The following CCNY variants were observed in gnomAD, a reference collection of about 807,000 sequenced individuals.
CCNY encodes cyclin Y.
CCNY carries 19 observed loss-of-function variants against 42.8 expected under a neutral mutation model. The ratio of observed to expected loss-of-function variants is 0.44; its 90% CI spans 0.31 to 0.65. The LOEUF (loss-of-function observed/expected upper bound fraction) is 0.65. Among genes scored for constraint, CCNY ranks in the 30% least tolerant of loss-of-function variants. CCNY has a pLI of 0.07. For synonymous variants in CCNY, 165 were observed against 162.7 expected (o/e 1.01, Z -0.11); for missense variants, 370 against 437.3 (o/e 0.85, Z 1.37).
At chr10:35,344,535 CAAA>C (rs1328322001) in intron 1 of CCNY, among the ~76,000 whole-genome samples, 2 of 151,866 alleles carry the variant, frequency 1.3e-5, no homozygotes, top group African/African-American at 2.4e-5. Flanking sequence ...ACTAGAAATA[CAAA>C]AAAAATTTTT....
At chr10:35,414,333 A>G (rs1389739039) in intron 1 of CCNY, among the ~76,000 whole-genome samples, 1 of 152,176 alleles carries the variant, frequency 6.6e-6, no homozygotes, top group African/African-American at 2.4e-5. Flanking sequence ...ATTTCTTTCA[A>G]GTTATGAGAC....
chr10:35,568,695 C>T (rs895928827), intron 9 of CCNY, among the ~76,000 whole-genome samples: 6 of 152,310 alleles, frequency 3.9e-5, no homozygotes, highest in African/African-American at 4.8e-5. Context: ...GTTCTTGCCC[C>T]GCTTGCAGGT....
At chr10:35,426,233 A>G (rs1838269932) in intron 1 of CCNY, among the ~76,000 whole-genome samples, 1 of 148,656 alleles carries the variant, frequency 6.7e-6, no homozygotes, top group Non-Finnish European at 1.5e-5. Context: ...ATACATGCCC[A>G]TTCACACACA....
At chr10:35,559,627 C>T (rs971354544) in intron 8 of CCNY, among the ~76,000 whole-genome samples, 5 of 152,236 alleles carry the variant, frequency 3.3e-5, no homozygotes, top group East Asian at 1.9e-4. Context: ...TCAGCAGAAG[C>T]GCTGCCGGCT....
At chr10:35,402,254 G>A (rs185300661) in intron 1 of CCNY, among the ~76,000 whole-genome samples, 76 of 152,264 alleles carry the variant, frequency 5.0e-4, no homozygotes, top group African/African-American at 1.8e-3. Flanking sequence ...AGAATGATTG[G>A]TGATGGCCTG....
intron 1 of CCNY, among the ~76,000 whole-genome samples, chr10:35,471,931 C>CT (rs1482489867): frequency 2.6e-5 from 4 of 152,306 alleles, no homozygotes; most frequent in South Asian, 2.1e-4. Context: ...GTAGGAGACT[C>CT]TAAGTCAGGA....
intron 3 of CCNY, among the ~76,000 whole-genome samples, chr10:35,324,638 T>G (rs1166565700): frequency 6.6e-6 from 1 of 152,192 alleles, no homozygotes; most frequent in Non-Finnish European, 1.5e-5. Context: ...GAAGCATCAC[T>G]TTAGGCTTTA....
chr10:35,321,677 C>CA lies in CCNY; in HGVS notation c.-9+71059dup, dbSNP rs201692414. ...TGGGTGACATAGTAAGACCCTGTCT[C>CA]AAAAAAAAGAAAATCCCAGCAGGCA... On this transcript the variant is annotated intron_variant, in intron 3 of 11. Coordinates refer to the CCNY transcript ENST00000374706. Among the ~76,000 whole-genome samples the CA allele has an allele frequency of 5.1e-3, 764 of 150,224 alleles. 6 individuals are homozygous for CA. The highest frequency in any genetic ancestry group is 0.018 in the African/African-American group (725 of 40,898).
chr10:35,483,354 C>T, intron 1 of CCNY, 50 bp from the exon 2 acceptor site: 1 of 1,216,592 alleles, frequency 8.2e-7, no homozygotes, highest in East Asian at 2.4e-5. Flanking sequence ...CTTGATTCCT[C>T]TTAGTTATCA....
In CCNY at chr10:35,469,453, GAGGGAAGA is replaced by G. The variant is rs1417969956; in HGVS notation, c.155-13944_155-13937del. On this transcript the variant is annotated intron_variant, in intron 1 of 9. Transcript: ENST00000374704. ...AATAGGACAGCAGAGAGGAACTGGG[GAGGGAAGA>G]AGGGAAAACGGAAACAGTTATAGCT... Among the ~76,000 whole-genome samples the G allele has an allele frequency of 1.4e-4, 21 of 152,218 alleles. 1 individual carries two copies. The highest frequency in any genetic ancestry group is 1.4e-3 in the Admixed American group (21 of 15,282).
intron 8 of CCNY, among the ~76,000 whole-genome samples, chr10:35,554,040 C>T (rs973521042): frequency 6.6e-6 from 1 of 152,160 alleles, no homozygotes; most frequent in African/African-American, 2.4e-5. Context: ...TTTTGTTTGG[C>T]AAACCTCCTC....
At chr10:35,345,666 G>C (rs1025179033) in intron 1 of CCNY, among the ~76,000 whole-genome samples, 15 of 152,176 alleles carry the variant, frequency 9.9e-5, no homozygotes, top group African/African-American at 3.6e-4. Flanking sequence ...ACTGTCCATA[G>C]TTGGAGAAGC....
chr10:35,341,128 A>G (rs992346433), intron 1 of CCNY, among the ~76,000 whole-genome samples: 2 of 152,212 alleles, frequency 1.3e-5, no homozygotes, highest in African/African-American at 4.8e-5. Context: ...AAAGCCTTAC[A>G]GTGGTCGCTG....
At chr10:35,478,176 G>A (rs1235297793) in intron 1 of CCNY, among the ~76,000 whole-genome samples, 4 of 147,972 alleles carry the variant, frequency 2.7e-5, no homozygotes, top group African/African-American at 7.4e-5. Flanking sequence ...ATGCTCATGG[G>A]TAGGAAGAAT....
At chr10:35,479,581 GA>G (rs1448874906) in intron 1 of CCNY, among the ~76,000 whole-genome samples, 1 of 137,476 alleles carries the variant, frequency 7.3e-6, no homozygotes, top group African/African-American at 2.8e-5. Context: ...ACAGGAAGGG[GA>G]ACATCACACT....
At position 35,548,282 on chromosome 10, in the gene CCNY, A is replaced by T. The variant is rs185154891; in HGVS notation, c.580-4737A>T. 1.1e-3 allele frequency among the ~76,000 whole-genome samples: 155 copies of T among 147,352 alleles called. 1 individual carries two copies. Among genetic ancestry groups the T allele is most frequent in the African/African-American group, 3.7e-3 (147 of 40,228 alleles). ...TATATATATACATAAATATAAATAT[A>T]TATATTTATGTATATATATATATAT... On this transcript the variant is annotated intron_variant, in intron 7 of 9. Coordinates refer to ENST00000374704, the MANE Select transcript of CCNY (RefSeq NM_145012.6).
chr10:35,480,526 T>C (rs1172258365), intron 1 of CCNY, among the ~76,000 whole-genome samples: 2 of 152,192 alleles, frequency 1.3e-5, no homozygotes, highest in East Asian at 3.8e-4. Context: ...AGACTCATCT[T>C]GGTGACTCTG....
At chr10:35,511,841 C>T (rs747722464) in intron 3 of CCNY, among the ~76,000 whole-genome samples, 2 of 152,050 alleles carry the variant, frequency 1.3e-5, no homozygotes, top group East Asian at 3.9e-4. Flanking sequence ...GGAAGTGAAC[C>T]GTGAACCTGG....
At chr10:35,403,618 G>C (rs148768594) in intron 1 of CCNY, among the ~76,000 whole-genome samples, 3,414 of 152,254 alleles carry the variant, frequency 0.022, 124 homozygotes, top group African/African-American at 0.077. Flanking sequence ...AATGATGGAG[G>C]ACCCTTGCAT....
Sources: gnomAD v4.1 joint callset for allele counts (sites outside exome capture counted in the v4.1 genomes callset) on GRCh38, gnomAD v4.1.1 for gene constraint, MANE v1.5 for transcripts, NCBI Gene and HGNC (gene_info 2026-07-23, HGNC 2026-07-21) for gene names.